Variants in FAM107B observed in about 807,000 individuals in gnomAD.
FAM107B encodes the protein family with sequence similarity 107 member B.
Under a neutral mutation model 31.5 loss-of-function variants are expected in FAM107B, and 21 were observed. The observed-to-expected ratio is 0.67, with a 90% CI of 0.47 to 0.96. The LOEUF is 0.96. FAM107B is among the 40% of genes least tolerant of loss of function. The pLI, the probability that FAM107B is intolerant of heterozygous loss-of-function variation, is 0.00. For synonymous variants in FAM107B, 157 were observed against 141.5 expected (o/e 1.11, Z -0.78); for missense variants, 452 against 377.1 (o/e 1.20, Z -1.64).
At chr10:14,718,827 T>A (rs1409231272) in intron 1 of FAM107B, among the ~76,000 whole-genome samples, 3 of 152,202 alleles carry the variant, frequency 2.0e-5, no homozygotes, top group African/African-American at 7.2e-5. Context: ...TTGCAGTTGA[T>A]GAACAACAAT....
chr10:14,640,305 G>GCCT (rs1476650982), intron 2 of FAM107B, among the ~76,000 whole-genome samples: 1 of 152,220 alleles, frequency 6.6e-6, no homozygotes, highest in African/African-American at 2.4e-5. Context: ...ATGCTCTGCT[G>GCCT]CCTCTCAGTG....
intron 2 of FAM107B, among the ~76,000 whole-genome samples, chr10:14,584,408 C>T (rs149908997): frequency 1.4e-4 from 22 of 152,306 alleles, no homozygotes; most frequent in African/African-American, 4.8e-4. Flanking sequence ...ATTATGCTTT[C>T]GCACCCCATG....
chr10:14,593,913 G>A (rs1852097656), intron 2 of FAM107B, among the ~76,000 whole-genome samples: 1 of 152,142 alleles, frequency 6.6e-6, no homozygotes, highest in Non-Finnish European at 1.5e-5. Flanking sequence ...CTGTTCGAGA[G>A]TAAAATGTAT....
chr10:14,543,358 A>G (rs1035885913), intron 2 of FAM107B, among the ~76,000 whole-genome samples: 3 of 152,216 alleles, frequency 2.0e-5, no homozygotes. Flanking sequence ...CTGGCACAGA[A>G]GTGAGCAGCT....
In FAM107B at chr10:14,530,480, A is replaced by G. The variant is rs895648338; in HGVS notation, c.505T>C (p.Tyr169His). The change falls in exon 3 of 5, where the codon TAT becomes CAT. Residue 169 changes from tyrosine to histidine, a missense_variant. Coordinates refer to ENST00000181796, the MANE Select transcript of FAM107B (RefSeq NM_031453.4). The part of the protein sequence containing the change: ...PPEDIDHKDS[Y>H]LITRSIMAEP... ...GCCATGATGCTTCTTGTAATGAGAT[A>G]TGAGTCCTTATGGTCAATATCCTCA... 2.5e-6 allele frequency: 4 copies of G among 1,613,772 alleles called. No homozygotes were observed. Among genetic ancestry groups the G allele is most frequent in the Middle Eastern group, 1.6e-4 (1 of 6,084 alleles).
At chr10:14,534,945 T>C (rs1847454846) in intron 2 of FAM107B, 1 of 152,186 alleles carries the variant, frequency 6.6e-6, no homozygotes, top group South Asian at 2.1e-4. Flanking sequence ...GCCATTTGGA[T>C]TCCACCGCCA....
intron 1 of FAM107B, among the ~76,000 whole-genome samples, chr10:14,686,539 T>G (rs933047638): frequency 5.9e-5 from 9 of 152,338 alleles, no homozygotes; most frequent in Middle Eastern, 6.8e-3. Flanking sequence ...GTCACGGCCC[T>G]AGGCAGTAAC....
At chr10:14,725,883 T>A (rs1856022973) in intron 1 of FAM107B, among the ~76,000 whole-genome samples, 1 of 136,980 alleles carries the variant, frequency 7.3e-6, no homozygotes, top group African/African-American at 2.8e-5. Flanking sequence ...TGGAGTGCAG[T>A]GGCACGATCT....
At chr10:14,603,922 T>C (rs1349736626) in intron 2 of FAM107B, among the ~76,000 whole-genome samples, 1 of 149,880 alleles carries the variant, frequency 6.7e-6, no homozygotes, top group Non-Finnish European at 1.5e-5. Context: ...CGGGTAGGGC[T>C]CCCCCGCGGC....
intron 2 of FAM107B, chr10:14,572,155 T>C (rs772633685): frequency 4.1e-6 from 4 of 985,220 alleles, no homozygotes; most frequent in Admixed American, 6.1e-5. Flanking sequence ...TGCAACTGAA[T>C]GACCTCATCC....
intron 2 of FAM107B, among the ~76,000 whole-genome samples, chr10:14,645,341 T>C (rs571596175): frequency 1.3e-5 from 2 of 152,300 alleles, no homozygotes; most frequent in African/African-American, 2.4e-5. Flanking sequence ...CAGAAGGCAG[T>C]GGCTATTTTA....
At chr10:14,539,107 C>T (rs1190784614) in intron 2 of FAM107B, among the ~76,000 whole-genome samples, 3 of 152,202 alleles carry the variant, frequency 2.0e-5, no homozygotes, top group Non-Finnish European at 4.4e-5. Context: ...ACTTAATGTT[C>T]CATCAACATG....
At chr10:14,663,184 G>C (rs1215305662) in intron 2 of FAM107B, among the ~76,000 whole-genome samples, 1 of 152,224 alleles carries the variant, frequency 6.6e-6, no homozygotes, top group Non-Finnish European at 1.5e-5. Context: ...CCCTACTTTT[G>C]AGATTTTGGG....
At chr10:14,747,432 A>T (rs1247650886) in intron 1 of FAM107B, among the ~76,000 whole-genome samples, 2 of 152,170 alleles carry the variant, frequency 1.3e-5, no homozygotes, top group Non-Finnish European at 2.9e-5. Context: ...GAGTTTATCT[A>T]GCTTCAATCT....
chr10:14,735,657 G>A (rs1270862294), intron 1 of FAM107B, among the ~76,000 whole-genome samples: 3 of 152,180 alleles, frequency 2.0e-5, no homozygotes, highest in African/African-American at 7.2e-5. Context: ...CACTGTTCAG[G>A]AAGAATGGGA....
intron 1 of FAM107B, among the ~76,000 whole-genome samples, chr10:14,669,558 T>C (rs1306587425): frequency 2.6e-5 from 4 of 152,098 alleles, no homozygotes; most frequent in Non-Finnish European, 5.9e-5. Context: ...AATGGAATAC[T>C]ATTTGGCCAT....
intron 1 of FAM107B, among the ~76,000 whole-genome samples, chr10:14,769,574 C>T (rs1352935153): frequency 3.3e-5 from 5 of 151,960 alleles, no homozygotes; most frequent in Non-Finnish European, 7.4e-5. Context: ...TTAGTAGAGA[C>T]GGGGTTTCAC....
intron 2 of FAM107B, chr10:14,553,394 A>G: frequency 1.6e-6 from 2 of 1,270,556 alleles, no homozygotes; most frequent in Non-Finnish European, 2.0e-6. Flanking sequence ...TCTCCTTTAA[A>G]AAAAAAACAT....
chr10:14,774,854 T>A lies in FAM107B; in HGVS notation c.-191A>T. 2 of 619,296 alleles carry A rather than the reference T, an allele frequency of 3.2e-6. No individual in the cohort carries two copies. Among genetic ancestry groups the A allele is most frequent in the African/African-American group, 1.8e-5 (1 of 54,132 alleles). The allele number at this position is 619,296 out of a possible 1,614,324, so 38.4% of individuals were successfully genotyped here. A position where few individuals can be genotyped will look rare whatever the true frequency, so the allele number is the denominator to read the frequency against. On this transcript the variant is annotated 5_prime_UTR_variant, in exon 1 of 5. In the 5' UTR this introduces an upstream ATG that the reference lacks. Transcript: ENST00000181796. Reference sequence around the variant, plus strand: ...AGAGTCACTTAGCCGCTGGGGCCCCTTTGAAAGTGTCCATCCTGGGCAATT... The same window carrying A: ...AGAGTCACTTAGCCGCTGGGGCCCCATTGAAAGTGTCCATCCTGGGCAATT...
Sources: gnomAD v4.1 joint callset for allele counts (sites outside exome capture counted in the v4.1 genomes callset) on GRCh38, gnomAD v4.1.1 for gene constraint, MANE v1.5 for transcripts, NCBI Gene and HGNC (gene_info 2026-07-23, HGNC 2026-07-21) for gene names.